The following THADA variants were observed in gnomAD, a reference collection of about 807,000 sequenced individuals.
The protein encoded by THADA is THADA armadillo repeat containing.
In THADA, 213 loss-of-function variants were observed where a neutral mutation model predicts 219.8. That is an observed-to-expected ratio of 0.97 (90% CI 0.87 to 1.09). The LOEUF is 1.09. THADA is among the 50% of genes least tolerant of loss of function. The probability of loss-of-function intolerance (pLI) is 0.00; values close to 1 mark genes in which losing one functional copy is unlikely to be tolerated. For synonymous variants in THADA, 1,018 were observed against 828.9 expected (o/e 1.23, Z -3.92); for missense variants, 2,956 against 2,311.3 (o/e 1.28, Z -5.72).
intron 29 of THADA, among the ~76,000 whole-genome samples, chr2:43,367,266 A>G (rs1377547888): frequency 1.3e-5 from 2 of 152,222 alleles, no homozygotes; most frequent in Non-Finnish European, 2.9e-5. Context: ...CTGCACAACA[A>G]TGTGACCACA....
At chr2:43,282,148 C>A (rs1300486224) in intron 35 of THADA, among the ~76,000 whole-genome samples, 2 of 152,158 alleles carry the variant, frequency 1.3e-5, no homozygotes, top group Admixed American at 1.3e-4. Flanking sequence ...CTGTTATAAG[C>A]TAGGGTTTGA....
At chr2:43,511,072 G>C (rs764249178) in intron 22 of THADA, among the ~76,000 whole-genome samples, 7 of 151,922 alleles carry the variant, frequency 4.6e-5, no homozygotes, top group Non-Finnish European at 7.4e-5. Context: ...GGTGAATAAG[G>C]TAAAGAGTAC....
In THADA at chr2:43,518,738, T is replaced by C. The variant is rs552191642; in HGVS notation, c.3374+9141A>G. 3.5e-4 allele frequency among the ~76,000 whole-genome samples: 53 copies of C among 152,306 alleles called. 1 individual carries two copies. Among genetic ancestry groups the C allele is most frequent in the African/African-American group, 1.3e-3 (53 of 41,564 alleles). On this transcript the variant is annotated intron_variant, in intron 22 of 37. Coordinates refer to ENST00000405975, the MANE Select transcript of THADA (RefSeq NM_022065.5). ...TTAAGCCTCTTTAGGAGATCTCCTC[T>C]AGGCCCATAGCTTCATCTATTTCCT...
intron 21 of THADA, among the ~76,000 whole-genome samples, chr2:43,534,156 T>C (rs1473092881): frequency 6.6e-6 from 1 of 152,186 alleles, no homozygotes; most frequent in Non-Finnish European, 1.5e-5. Flanking sequence ...TAAACCCTTT[T>C]ATGAAGACAG....
chr2:43,411,942 A>G (rs552633173), intron 28 of THADA, among the ~76,000 whole-genome samples: 306 of 152,310 alleles, frequency 2.0e-3, no homozygotes, highest in Non-Finnish European at 3.3e-3. Context: ...TTAAGATGGG[A>G]AACATGTCAG....
chr2:43,483,178 G>A (rs1003690387), intron 26 of THADA, among the ~76,000 whole-genome samples: 2 of 152,158 alleles, frequency 1.3e-5, no homozygotes, highest in Non-Finnish European at 2.9e-5. Context: ...CACCGGCTGA[G>A]GTTAGTTATC....
intron 30 of THADA, among the ~76,000 whole-genome samples, chr2:43,327,766 C>G (rs915864082): frequency 2.0e-5 from 3 of 152,080 alleles, no homozygotes; most frequent in Non-Finnish European, 4.4e-5. Flanking sequence ...AACAAACCCC[C>G]CTAAAAACCA....
chr2:43,586,360 C>T, intron 7 of THADA, 41 bp downstream of exon 7: 2 of 1,495,882 alleles, frequency 1.3e-6, no homozygotes, highest in Non-Finnish European at 1.8e-6. Flanking sequence ...TAATGTACAA[C>T]TGCAAGTGTG....
chr2:43,576,587 G>A (rs12469959), intron 10 of THADA, among the ~76,000 whole-genome samples: 14,844 of 152,082 alleles, frequency 0.098, 817 homozygotes, highest in South Asian at 0.15. Flanking sequence ...TTTTAAAAAC[G>A]ATAACATTGA....
intron 34 of THADA, 46 bp downstream of exon 34, chr2:43,291,650 G>GT (rs1261706275): frequency 1.4e-6 from 2 of 1,464,172 alleles, no homozygotes; most frequent in South Asian, 2.7e-5. Context: ...GAGTAAATGA[G>GT]AACAAAAAAT....
At chr2:43,321,951 T>C (rs997780274) in intron 30 of THADA, among the ~76,000 whole-genome samples, 4 of 152,214 alleles carry the variant, frequency 2.6e-5, no homozygotes, top group Non-Finnish European at 4.4e-5. Flanking sequence ...AACTAAGTTT[T>C]ACAATTTCCT....
intron 15 of THADA, 33 bp from the exon 16 acceptor site, chr2:43,560,418 A>G: frequency 6.9e-7 from 1 of 1,441,482 alleles, no homozygotes; most frequent in Non-Finnish European, 9.2e-7. Flanking sequence ...AAGATTTAAA[A>G]GTGAACAAAA....
Position 43,292,907 on chromosome 2 carries a change from G to A in THADA, c.4745C>T (p.Pro1582Leu). ...ASGLGEKGVP[P>L]LLCNMGEKFL... ...CTTCTCTCCCATGTTGCACAGCAAG[G>A]GTGGCACGCCCTTCTCTCCAAGTCC... Residue 1582 changes from proline (P) to leucine (L), a missense_variant, in exon 32 of 38, where the codon CCC becomes CTC. Coordinates refer to ENST00000405975, the MANE Select transcript of THADA (RefSeq NM_022065.5). 1 of 1,613,998 alleles carries A rather than the reference G, an allele frequency of 6.2e-7. No homozygotes were observed. Among genetic ancestry groups the A allele is most frequent in the Non-Finnish European group, 8.5e-7 (1 of 1,179,886 alleles).
At chr2:43,276,235 C>G (rs566630080) in intron 36 of THADA, among the ~76,000 whole-genome samples, 12 of 152,232 alleles carry the variant, frequency 7.9e-5, no homozygotes, top group African/African-American at 2.9e-4. Flanking sequence ...GAGGGAGGGG[C>G]AGAGAGGGTC....
intron 36 of THADA, among the ~76,000 whole-genome samples, chr2:43,256,569 T>C (rs981607556): frequency 2.6e-5 from 4 of 151,054 alleles, no homozygotes; most frequent in African/African-American, 7.3e-5. Context: ...ATGCTACCAT[T>C]CCTGGCTAAT....
chr2:43,252,938 T>C (rs1669949407), intron 36 of THADA, among the ~76,000 whole-genome samples: 1 of 152,246 alleles, frequency 6.6e-6, no homozygotes, highest in Non-Finnish European at 1.5e-5. Flanking sequence ...ACTGATCCTC[T>C]ATATAAACTG....
At chr2:43,429,506 A>G (rs944332638) in intron 27 of THADA, among the ~76,000 whole-genome samples, 1 of 152,124 alleles carries the variant, frequency 6.6e-6, no homozygotes, top group African/African-American at 2.4e-5. Flanking sequence ...CTGCTCAGGT[A>G]GACAAGAACC....
intron 34 of THADA, 59 bp downstream of exon 34, chr2:43,291,637 T>G (rs1674735387): frequency 7.3e-7 from 1 of 1,370,848 alleles, no homozygotes; most frequent in East Asian, 2.5e-5. Flanking sequence ...ACTGACATCT[T>G]CTGAGTAAAT....
intron 22 of THADA, among the ~76,000 whole-genome samples, chr2:43,514,370 G>A (rs1690898203): frequency 6.7e-6 from 1 of 149,604 alleles, no homozygotes; most frequent in African/African-American, 2.5e-5. Context: ...AGGATCGCTT[G>A]AGCCCAAGAG....
Sources: gnomAD v4.1 joint callset for allele counts (sites outside exome capture counted in the v4.1 genomes callset) on GRCh38, gnomAD v4.1.1 for gene constraint, MANE v1.5 for transcripts, NCBI Gene and HGNC (gene_info 2026-07-23, HGNC 2026-07-21) for gene names.